The following DNAH5 variants were observed in gnomAD, a reference collection of about 807,000 sequenced individuals.
DNAH5 encodes the protein dynein axonemal heavy chain 5.
DNAH5 carries 372 observed loss-of-function variants against 518.2 expected under a neutral mutation model. That is an observed-to-expected ratio of 0.72 (90% CI 0.66 to 0.78). DNAH5 has a LOEUF of 0.78. Among genes scored for constraint, DNAH5 ranks in the 30% least tolerant of loss-of-function variants. The pLI is 0.00. For missense variants in DNAH5, 5,523 were observed against 5,687.0 expected (o/e 0.97, Z 0.93); for synonymous variants, 2,039 against 2,025.9 (o/e 1.01, Z -0.17).
At position 13,901,547 on chromosome 5, in the gene DNAH5, T is replaced by A. The variant is rs1396528010; in HGVS notation, c.1757A>T (p.Asp586Val). The change falls in exon 14 of 79, where the codon GAT becomes GTT. Residue 586 changes from aspartate to valine, a missense_variant. Asp to Val is a radical substitution (Grantham distance 152, BLOSUM62 -3). This residue lies in a region of DNAH5 where 5,121 missense variants were observed against 5,223.3 expected (regional missense o/e 0.98). Coordinates refer to ENST00000265104, the MANE Select transcript of DNAH5 (RefSeq NM_001369.3). Reference protein sequence around the residue: ...ERLNIPNLGIDDKYQLILENY... With the variant: ...ERLNIPNLGIVDKYQLILENY... The stretch of plus-strand genomic sequence containing the variant: ...CTCAAGGATAAGTTGATATTTGTCA[T>A]CAATACCAAGATTAGGTATATTCAA... The A allele has an allele frequency of 6.2e-7, 1 of 1,613,182 alleles. No homozygotes were observed. The highest frequency in any genetic ancestry group is 1.3e-5 in the African/African-American group (1 of 75,030).
intron 2 of DNAH5, among the ~76,000 whole-genome samples, 173 bp downstream of exon 2, chr5:13,930,937 G>A (rs974447739): frequency 1.3e-5 from 2 of 152,180 alleles, no homozygotes; most frequent in East Asian, 1.9e-4. Context: ...ATGGAGAGCT[G>A]GAGAGCCTTA....
At chr5:13,955,332 A>G (rs1375972166) in intron 1 of DNAH5, among the ~76,000 whole-genome samples, 1 of 152,150 alleles carries the variant, frequency 6.6e-6, no homozygotes, top group African/African-American at 2.4e-5. Flanking sequence ...GGAAACATGA[A>G]TCAATTAAAC....
In DNAH5 at chr5:13,959,636, A is replaced by T. The variant is rs78352005; in HGVS notation, c.13-28392T>A. ...CCGTGGGTCTCCCTCTTCATTCCTT[A>T]CCCCAAGTCCTCTCCCTGGAATTCT... On this transcript the variant is annotated intron_variant, in intron 1 of 78. Coordinates refer to the DNAH5 transcript ENST00000681290. Among the ~76,000 whole-genome samples the T allele has an allele frequency of 4.9e-4, 75 of 152,216 alleles. No homozygotes were observed. The East Asian group carries it at 0.013, about 25-fold the overall frequency.
At position 13,807,627 on chromosome 5, in the gene DNAH5, C is replaced by T; in HGVS notation, c.7851G>A (p.Leu2617=). The part of the protein sequence containing the change: ...YDPECHMIKS[L]NFSSATTPLM... ...GTGGGGTGGTTGCAGAAGAAAAATT[C>T]AGACTCTTGATCATGTGACATTCAG... Residue 2617 remains leucine, a synonymous_variant, in exon 47 of 79, where the codon CTG becomes CTA. Coordinates refer to ENST00000265104, the MANE Select transcript of DNAH5 (RefSeq NM_001369.3). The T allele has an allele frequency of 1.2e-6, 2 of 1,613,586 alleles. No individual in the cohort carries two copies. Among genetic ancestry groups the T allele is most frequent in the Non-Finnish European group, 1.7e-6 (2 of 1,179,712 alleles).
chr5:13,965,989 C>T (rs1019168463), intron 1 of DNAH5, among the ~76,000 whole-genome samples: 2 of 151,894 alleles, frequency 1.3e-5, no homozygotes, highest in Non-Finnish European at 2.9e-5. Flanking sequence ...ACCCCCCTCC[C>T]ATCCTTTCCC....
At chr5:13,870,007 A>G (rs1769842671) in intron 24 of DNAH5, among the ~76,000 whole-genome samples, 1 of 152,136 alleles carries the variant, frequency 6.6e-6, no homozygotes, top group Admixed American at 6.6e-5. Context: ...TGTTGATAAT[A>G]TTATAACTAA....
intron 64 of DNAH5, among the ~76,000 whole-genome samples, chr5:13,751,603 C>T (rs561950258): frequency 3.9e-5 from 6 of 152,188 alleles, no homozygotes; most frequent in Admixed American, 2.6e-4. Context: ...TACACATGCA[C>T]CGAAAGAGTA....
intron 23 of DNAH5, 124 bp downstream of exon 23, chr5:13,871,440 T>C: frequency 1.1e-6 from 1 of 872,208 alleles, no homozygotes. Context: ...AAATTGGTTT[T>C]AAAGCTTGAG....
At chr5:13,750,253 A>G (rs184642884) in intron 65 of DNAH5, among the ~76,000 whole-genome samples, 12 of 152,298 alleles carry the variant, frequency 7.9e-5, no homozygotes, top group Admixed American at 3.9e-4. Flanking sequence ...AAAGTTAACT[A>G]AATTCCTCAT....
chr5:13,821,652 GTAA>G (rs1762256620), intron 40 of DNAH5, among the ~76,000 whole-genome samples: 1 of 152,110 alleles, frequency 6.6e-6, no homozygotes, highest in Non-Finnish European at 1.5e-5. Context: ...CTCACAGTAC[GTAA>G]TGATTTCAAT....
chr5:13,895,752 A>G (rs1773843228), intron 15 of DNAH5, among the ~76,000 whole-genome samples: 1 of 152,052 alleles, frequency 6.6e-6, no homozygotes, highest in Admixed American at 6.5e-5. Flanking sequence ...AAATGGCAGC[A>G]GCCTCCCAAA....
chr5:13,961,750 T>C (rs1225932866), intron 1 of DNAH5, among the ~76,000 whole-genome samples: 2 of 152,160 alleles, frequency 1.3e-5, no homozygotes, highest in East Asian at 3.8e-4. Context: ...ATGAGCCCCT[T>C]GGTGAGATGC....
At chr5:13,955,135 C>T (rs1386724230) in intron 1 of DNAH5, among the ~76,000 whole-genome samples, 7 of 152,068 alleles carry the variant, frequency 4.6e-5, no homozygotes, top group East Asian at 1.9e-4. Context: ...GGTTTAGCAC[C>T]GTCCCCCAAC....
intron 1 of DNAH5, among the ~76,000 whole-genome samples, chr5:13,987,648 T>C (rs1052432863): frequency 3.3e-5 from 5 of 150,854 alleles, no homozygotes; most frequent in African/African-American, 1.2e-4. Context: ...ACGTCAGGAG[T>C]TCAAGACCAG....
intron 12 of DNAH5, among the ~76,000 whole-genome samples, chr5:13,907,770 C>T (rs560249924): frequency 2.0e-5 from 3 of 152,082 alleles, no homozygotes; most frequent in Non-Finnish European, 1.5e-5. Flanking sequence ...TTCAGTTAAA[C>T]AAAACATAGA....
At chr5:13,880,472 TA>T (rs1033899748) in intron 21 of DNAH5, among the ~76,000 whole-genome samples, 2 of 151,960 alleles carry the variant, frequency 1.3e-5, no homozygotes, top group African/African-American at 4.8e-5. Flanking sequence ...GCAAAACTAC[TA>T]AAAACAACTA....
intron 12 of DNAH5, among the ~76,000 whole-genome samples, chr5:13,905,088 A>G (rs76849091): frequency 0.027 from 4,064 of 152,330 alleles, 187 homozygotes; most frequent in African/African-American, 0.091. Flanking sequence ...ATAATTTAGC[A>G]TTAAAGGGAA....
chr5:13,983,812 C>T (rs1481590385), intron 1 of DNAH5, among the ~76,000 whole-genome samples: 2 of 152,174 alleles, frequency 1.3e-5, no homozygotes, highest in Non-Finnish European at 2.9e-5. Flanking sequence ...GAAGCTAAAA[C>T]GCCAGAACCA....
chr5:13,750,950 A>T, intron 65 of DNAH5, 128 bp downstream of exon 65: 1 of 1,039,280 alleles, frequency 9.6e-7, no homozygotes, highest in Non-Finnish European at 1.4e-6. Flanking sequence ...CTTGGAGATT[A>T]ATGGAAAAAA....
Sources: gnomAD v4.1 joint callset for allele counts (sites outside exome capture counted in the v4.1 genomes callset) on GRCh38, gnomAD v4.1.1 for gene constraint, gnomAD v4.1.1 regional missense constraint, MANE v1.5 for transcripts, NCBI Gene and HGNC (gene_info 2026-07-23, HGNC 2026-07-21) for gene names.